Variants in INPP5A observed in about 807,000 individuals in gnomAD.
INPP5A encodes 43 kDa inositol polyphosphate 5-phophatase.
In INPP5A, 14 loss-of-function variants were observed where a neutral mutation model predicts 65.2. That is an observed-to-expected ratio of 0.21 (90% CI 0.14 to 0.34). The LOEUF is 0.34. Among genes scored for constraint, INPP5A ranks in the 10% least tolerant of loss-of-function variants. The probability of loss-of-function intolerance (pLI) is 1.00; values close to 1 mark genes in which losing one functional copy is unlikely to be tolerated. For synonymous variants in INPP5A, 207 were observed against 208.3 expected (o/e 0.99, Z 0.05); for missense variants, 431 against 545.6 (o/e 0.79, Z 2.09).
In INPP5A at chr10:132,698,052, C is replaced by T. The variant is rs1336135405; in HGVS notation, c.474+133C>T. 1 of 668,302 alleles carries T rather than the reference C, an allele frequency of 1.5e-6. No individual in the cohort carries two copies. Among genetic ancestry groups the T allele is most frequent in the Admixed American group, 2.2e-5 (1 of 46,326 alleles). 41.4% of individuals were successfully genotyped at this position (668,302 alleles called of 1,614,324 possible). A position where few individuals can be genotyped will look rare whatever the true frequency, so the allele number is the denominator to read the frequency against. Reference sequence around the variant, plus strand: ...CCTGTTGTTACCTCCGATAATCTGTCTTCCTGGGAGTCCAGGCTTCTGTGG... The same window carrying T: ...CCTGTTGTTACCTCCGATAATCTGTTTTCCTGGGAGTCCAGGCTTCTGTGG... On this transcript the variant is annotated intron_variant, in intron 6 of 15. Transcript: ENST00000368594. This position sits in a 1 kb window ranked among gnomAD's most constrained non-coding sequence, Gnocchi z 5.5.
chr10:132,758,858 G>A (rs939657891), intron 11 of INPP5A, among the ~76,000 whole-genome samples: 7 of 152,196 alleles, frequency 4.6e-5, no homozygotes, highest in African/African-American at 1.4e-4. Flanking sequence ...ACTCTCCCAC[G>A]GTGTCCGGCG....
chr10:132,630,013 G>C (rs746844737), intron 2 of INPP5A, among the ~76,000 whole-genome samples: 4 of 152,144 alleles, frequency 2.6e-5, no homozygotes, highest in African/African-American at 4.8e-5. Flanking sequence ...CATCCTCCAG[G>C]GGAAGGTGGC....
rs1183856589 is a variant in INPP5A at position 132,627,053 on chromosome 10, C to G, written c.118-18815C>G. 6.6e-6 allele frequency among the ~76,000 whole-genome samples: 1 copy of G among 151,974 alleles called. No individual in the cohort carries two copies. Among genetic ancestry groups the G allele is most frequent in the Non-Finnish European group, 1.5e-5 (1 of 67,994 alleles). Reference sequence around the variant, plus strand: ...GGTGAGATGAGGTTATGCGGTGGGCCCCCCGGATGGGATGGGTGCCCTTAC... The same window carrying G: ...GGTGAGATGAGGTTATGCGGTGGGCGCCCCGGATGGGATGGGTGCCCTTAC... On this transcript the variant is annotated intron_variant, in intron 2 of 15. Transcript: ENST00000368594. This position sits in a 1 kb window ranked among gnomAD's most constrained non-coding sequence, Gnocchi z 6.6.
intron 12 of INPP5A, 41 bp downstream of exon 12, chr10:132,765,887 G>A: frequency 1.6e-6 from 2 of 1,233,632 alleles, no homozygotes; most frequent in Non-Finnish European, 1.2e-6. Context: ...CGGCCGGGAA[G>A]GTGGCGTCTC....
rs150016201 is a variant in INPP5A, at chr10:132,697,890, G to A, written c.445G>A (p.Glu149Lys). The change falls in exon 6 of 16, where the codon GAG (glutamate) becomes AAG (lysine). Residue 149 changes from glutamate (E) to lysine (K), a missense_variant. Glu to Lys is a moderately conservative substitution (Grantham distance 56). Coordinates refer to ENST00000368594, the MANE Select transcript of INPP5A (RefSeq NM_005539.5). This position sits in a 1 kb window ranked among gnomAD's most constrained non-coding sequence, Gnocchi z 5.6. ...AGAGAGCACGCCCATGCTGGAGAAGGAGAAGTTTCCGCAGGACTACTTCCC... is the reference window on the plus strand; with the variant it reads ...AGAGAGCACGCCCATGCTGGAGAAGAAGAAGTTTCCGCAGGACTACTTCCC... ...TLESTPMLEK[E>K]KFPQDYFPEC... 8.7e-6 allele frequency: 14 copies of A among 1,613,606 alleles called. No individual in the cohort carries two copies. Among genetic ancestry groups the A allele is most frequent in the Admixed American group, 1.7e-5 (1 of 59,984 alleles).
chr10:132,756,044 A>C (rs2134654565), intron 11 of INPP5A, among the ~76,000 whole-genome samples: 1 of 152,340 alleles, frequency 6.6e-6, no homozygotes, highest in East Asian at 1.9e-4. Context: ...AGAGCTGCTC[A>C]TAGGGACCCC....
At chr10:132,695,016 A>C (rs540329828) in intron 5 of INPP5A, among the ~76,000 whole-genome samples, 1 of 152,228 alleles carries the variant, frequency 6.6e-6, no homozygotes, top group Non-Finnish European at 1.5e-5. Context: ...AGCAGAGGAC[A>C]AACGTCCTAA....
Position 132,675,622 on chromosome 10 carries a change from T to A in INPP5A, c.307-14770T>A, listed in dbSNP as rs1360860158. 6.6e-6 allele frequency among the ~76,000 whole-genome samples: 1 copy of A among 152,188 alleles called. No homozygotes were observed. Among genetic ancestry groups the A allele is most frequent in the Non-Finnish European group, 1.5e-5 (1 of 68,030 alleles). On this transcript the variant is annotated intron_variant, in intron 4 of 15. Coordinates refer to ENST00000368594, the MANE Select transcript of INPP5A (RefSeq NM_005539.5). The surrounding 1 kb of genome is among the most constrained non-coding windows in gnomAD (Gnocchi z 4.2). ...GGTAACGGACATTCCCACGGGGATATTCCCACGCGGAGAACTGGGACCCCG... is the reference window on the plus strand; with the variant it reads ...GGTAACGGACATTCCCACGGGGATAATCCCACGCGGAGAACTGGGACCCCG...
chr10:132,611,874 A>G (rs868325196), intron 2 of INPP5A, among the ~76,000 whole-genome samples: 2,871 of 20,070 alleles, frequency 0.14, no homozygotes, highest in Non-Finnish European at 0.15. Flanking sequence ...TGGGAGGTGA[A>G]GTGGGCAGGG....
intron 2 of INPP5A, among the ~76,000 whole-genome samples, chr10:132,640,191 T>C (rs763108821): frequency 6.6e-6 from 1 of 152,266 alleles, no homozygotes. Flanking sequence ...GTTCTCAGCA[T>C]GCACGCATTC....
At position 132,616,744 on chromosome 10, in the gene INPP5A, CAT is replaced by C. The variant is rs568191652; in HGVS notation, c.117+8789_117+8790del. 7.7e-4 allele frequency among the ~76,000 whole-genome samples: 113 copies of C among 147,154 alleles called. No homozygotes were observed. The highest frequency in any genetic ancestry group is 1.2e-3 in the Non-Finnish European group (81 of 66,582). Reference sequence around the variant, plus strand: ...GGGACATGGTGACATGGCGATGTGTCATGTGGTGATGGGGGACGTGGCGTGGG... The same window carrying C: ...GGGACATGGTGACATGGCGATGTGTCGTGGTGATGGGGGACGTGGCGTGGG... On this transcript the variant is annotated intron_variant, in intron 2 of 15. Coordinates refer to ENST00000368594, the MANE Select transcript of INPP5A (RefSeq NM_005539.5). This position sits in a 1 kb window ranked among gnomAD's most constrained non-coding sequence, Gnocchi z 4.9.
chr10:132,691,634 T>C (rs1383576927), intron 5 of INPP5A, among the ~76,000 whole-genome samples: 2 of 152,254 alleles, frequency 1.3e-5, no homozygotes, highest in Non-Finnish European at 2.9e-5. Context: ...TTTAAAACTA[T>C]ACATGAGATA....
intron 9 of INPP5A, among the ~76,000 whole-genome samples, chr10:132,728,584 C>G (rs752357826): frequency 3.3e-5 from 5 of 152,206 alleles, no homozygotes; most frequent in South Asian, 2.1e-4. Context: ...ACCTGTTACT[C>G]GAGAGCCAGT....
intron 9 of INPP5A, among the ~76,000 whole-genome samples, chr10:132,736,654 GC>G (rs1701602045): frequency 6.6e-6 from 1 of 152,252 alleles, no homozygotes; most frequent in South Asian, 2.1e-4. Context: ...GGAGACCATG[GC>G]CGGCAAGAGC....
In INPP5A at chr10:132,644,010, G is replaced by A. The variant is rs990174648; in HGVS notation, c.118-1858G>A. The stretch of plus-strand genomic sequence containing the variant: ...CGGACACCACAACAAAACCAGAGTT[G>A]TGCATCAAGACAGCTGGAACCAGAC... On this transcript the variant is annotated intron_variant, in intron 2 of 15. Coordinates refer to ENST00000368594, the MANE Select transcript of INPP5A (RefSeq NM_005539.5). The surrounding 1 kb of genome is among the most constrained non-coding windows in gnomAD (Gnocchi z 6.5). Among the ~76,000 whole-genome samples, 1 of 152,136 alleles carries A rather than the reference G, an allele frequency of 6.6e-6. No individual in the cohort carries two copies.
At chr10:132,571,372 A>T (rs2133284469) in intron 1 of INPP5A, among the ~76,000 whole-genome samples, 1 of 152,328 alleles carries the variant, frequency 6.6e-6, no homozygotes, top group South Asian at 2.1e-4. Context: ...GGGCTCTGCC[A>T]CATGGGCCTG....
chr10:132,602,643 A>T (rs1229238940), intron 1 of INPP5A, among the ~76,000 whole-genome samples: 2 of 152,198 alleles, frequency 1.3e-5, no homozygotes, highest in African/African-American at 4.8e-5. Context: ...TGTATACATA[A>T]GAGCATATAG....
chr10:132,736,413 A>G (rs1012239082), intron 9 of INPP5A, among the ~76,000 whole-genome samples: 7 of 152,246 alleles, frequency 4.6e-5, no homozygotes, highest in Non-Finnish European at 8.8e-5. Context: ...CCAGTTACCA[A>G]TCACTGACAG....
intron 4 of INPP5A, among the ~76,000 whole-genome samples, chr10:132,684,559 GGT>G (rs1471480567): frequency 1.3e-5 from 2 of 152,176 alleles, no homozygotes; most frequent in Non-Finnish European, 2.9e-5. Context: ...CACAGGATGT[GGT>G]GTGTCCCTGT....
Sources: gnomAD v4.1 joint callset for allele counts (sites outside exome capture counted in the v4.1 genomes callset) on GRCh38, gnomAD v4.1.1 for gene constraint, Gnocchi (gnomAD v3.1) non-coding constraint, MANE v1.5 for transcripts, NCBI Gene and HGNC (gene_info 2026-07-23, HGNC 2026-07-21) for gene names.